Variants in MED12L observed in about 807,000 individuals in gnomAD.
MED12L encodes the protein mediator complex subunit 12L.
MED12L carries 60 observed loss-of-function variants against 281.3 expected under a neutral mutation model. The ratio of observed to expected loss-of-function variants is 0.21; its 90% CI spans 0.17 to 0.26. The LOEUF (loss-of-function observed/expected upper bound fraction) is 0.26. Among genes scored for constraint, MED12L ranks in the 10% least tolerant of loss-of-function variants. The probability of loss-of-function intolerance (pLI) is 1.00; values close to 1 mark genes in which losing one functional copy is unlikely to be tolerated. For missense variants in MED12L, 2,146 were observed against 2,680.9 expected (o/e 0.80, Z 4.41); for synonymous variants, 974 against 987.2 (o/e 0.99, Z 0.25).
intron 39 of MED12L, among the ~76,000 whole-genome samples, chr3:151,404,667 ATCAGTATTTCCAG>A (rs1172935514): frequency 6.6e-6 from 1 of 152,186 alleles, no homozygotes; most frequent in African/African-American, 2.4e-5. Context: ...TTTTTTCCAA[ATCAGTATTTCCAG>A]AAACCAAGTC....
In MED12L at chr3:151,382,764, A is replaced by G; in HGVS notation, c.4680+19A>G. The G allele has an allele frequency of 1.3e-6, 2 of 1,587,642 alleles. No individual in the cohort carries two copies. The highest frequency in any genetic ancestry group is 1.7e-6 in the Non-Finnish European group (2 of 1,161,042). ...AAATTTGGTAAGTGACATTTCTAGT[A>G]TTTTCCCTCCATTAAACATATTTAC... On this transcript the variant is annotated intron_variant, in intron 33 of 44. Transcript: ENST00000687756.
intron 40 of MED12L, among the ~76,000 whole-genome samples, chr3:151,410,707 G>A (rs892934605): frequency 9.2e-5 from 14 of 152,164 alleles, no homozygotes; most frequent in Admixed American, 7.9e-4. Context: ...AGAGGATAAT[G>A]AACAGTTACC....
chr3:151,253,687 G>A (rs780792542), intron 16 of MED12L, among the ~76,000 whole-genome samples: 7 of 152,058 alleles, frequency 4.6e-5, no homozygotes, highest in Non-Finnish European at 7.4e-5. Flanking sequence ...TGCTGATGTT[G>A]CCCCAGTCTC....
chr3:151,229,822 G>A (rs867350256), intron 16 of MED12L, among the ~76,000 whole-genome samples: 8 of 152,272 alleles, frequency 5.3e-5, no homozygotes, highest in Middle Eastern at 6.8e-3. Context: ...CAACAATGGA[G>A]CAACTGTATT....
rs532433994 is a variant in MED12L, at chr3:151,400,804, G to C, written c.5820+5937G>C. 2.6e-5 allele frequency among the ~76,000 whole-genome samples: 4 copies of C among 152,068 alleles called. No individual in the cohort carries two copies. The East Asian group carries it at 7.7e-4, about 29-fold the overall frequency. On this transcript the variant is annotated intron_variant, in intron 39 of 44. Coordinates refer to ENST00000687756, the MANE Select transcript of MED12L (RefSeq NM_001393769.1). Reference sequence around the variant, plus strand: ...CTATCCCTCCCACTCACTCTTTAATGGTATACATATTTCAAGCATAGAGAC... The same window carrying C: ...CTATCCCTCCCACTCACTCTTTAATCGTATACATATTTCAAGCATAGAGAC...
rs191846626 is a variant in MED12L at position 151,157,197 on chromosome 3, G to A, written c.726+867G>A. On this transcript the variant is annotated intron_variant, in intron 6 of 44. Coordinates refer to ENST00000687756, the MANE Select transcript of MED12L (RefSeq NM_001393769.1). The stretch of plus-strand genomic sequence containing the variant: ...AAAGTATCTCTCAGCATGTTTAATG[G>A]TTCTGGAAGAATTACGTATTAGGAG... Among the ~76,000 whole-genome samples the A allele has an allele frequency of 3.8e-4, 57 of 151,910 alleles. No individual in the cohort carries two copies. In the East Asian group the frequency reaches 9.7e-3, roughly 26 times the overall value.
chr3:151,280,699 G>T (rs1742665406), intron 16 of MED12L, among the ~76,000 whole-genome samples: 1 of 151,870 alleles, frequency 6.6e-6, no homozygotes, highest in South Asian at 2.1e-4. Context: ...TGAGGGGTGG[G>T]TAGGGGGCAG....
At chr3:151,097,319 C>T (rs1720838948) in intron 2 of MED12L, among the ~76,000 whole-genome samples, 1 of 152,108 alleles carries the variant, frequency 6.6e-6, no homozygotes, top group Non-Finnish European at 1.5e-5. Context: ...AAAATATTAG[C>T]CATTGGATTT....
At chr3:151,334,305 T>C (rs1440997922) in intron 16 of MED12L, among the ~76,000 whole-genome samples, 1 of 151,268 alleles carries the variant, frequency 6.6e-6, no homozygotes, top group East Asian at 1.9e-4. Context: ...GAAGTGCATT[T>C]CCACATCTTT....
chr3:151,417,480 C>CCG (rs1553817968), intron 43 of MED12L, among the ~76,000 whole-genome samples: 1 of 104,404 alleles, frequency 9.6e-6, no homozygotes, highest in African/African-American at 3.5e-5. Context: ...CCCAGCTCCC[C>CCG]CCCCGCCTTT....
intron 5 of MED12L, among the ~76,000 whole-genome samples, chr3:151,132,698 T>G (rs1715576246): frequency 6.6e-6 from 1 of 152,238 alleles, no homozygotes; most frequent in Admixed American, 6.5e-5. Context: ...ATATGTATTT[T>G]AATTGAAAAT....
At chr3:151,130,290 A>G (rs995169710) in intron 5 of MED12L, among the ~76,000 whole-genome samples, 1 of 152,172 alleles carries the variant, frequency 6.6e-6, no homozygotes, top group African/African-American at 2.4e-5. Flanking sequence ...GTAAGAGCCA[A>G]ATTGTCATTC....
At chr3:151,414,413 G>A (rs1262629862) in intron 42 of MED12L, among the ~76,000 whole-genome samples, 1 of 152,144 alleles carries the variant, frequency 6.6e-6, no homozygotes, top group South Asian at 2.1e-4. Flanking sequence ...CTCTCAACTC[G>A]GTATGAGGTC....
chr3:151,235,502 G>A (rs1732557671), intron 16 of MED12L, among the ~76,000 whole-genome samples: 1 of 152,034 alleles, frequency 6.6e-6, no homozygotes, highest in South Asian at 2.1e-4. Flanking sequence ...TCAGGAGATC[G>A]AGACCATCAT....
At chr3:151,411,203 C>A in intron 40 of MED12L, 75 bp from the exon 41 acceptor site, 1 of 1,303,568 alleles carries the variant, frequency 7.7e-7, no homozygotes, top group Non-Finnish European at 1.1e-6. Flanking sequence ...TTTGTTTTTG[C>A]CCCATATATC....
chr3:151,109,231 A>G (rs937821981), intron 2 of MED12L, among the ~76,000 whole-genome samples: 1 of 151,972 alleles, frequency 6.6e-6, no homozygotes, highest in African/African-American at 2.4e-5. Context: ...ATTTTTTTGT[A>G]TTTTAAGTAG....
At chr3:151,233,409 C>T (rs981933604) in intron 16 of MED12L, among the ~76,000 whole-genome samples, 3 of 152,178 alleles carry the variant, frequency 2.0e-5, no homozygotes, top group African/African-American at 4.8e-5. Flanking sequence ...GAAAAGACTA[C>T]ATGTAGTATA....
chr3:151,136,028 C>T (rs1716090142), intron 5 of MED12L, among the ~76,000 whole-genome samples: 1 of 152,146 alleles, frequency 6.6e-6, no homozygotes, highest in African/African-American at 2.4e-5. Context: ...TGGGGCACTG[C>T]TCTGTTTACC....
intron 16 of MED12L, among the ~76,000 whole-genome samples, chr3:151,240,625 C>CTTATCTCCT (rs1667953098): frequency 6.6e-6 from 1 of 152,156 alleles, no homozygotes; most frequent in African/African-American, 2.4e-5. Context: ...TAAGCATCTC[C>CTTATCTCCT]TTTATCTACC....
Sources: gnomAD v4.1 joint callset for allele counts (sites outside exome capture counted in the v4.1 genomes callset) on GRCh38, gnomAD v4.1.1 for gene constraint, MANE v1.5 for transcripts, NCBI Gene and HGNC (gene_info 2026-07-23, HGNC 2026-07-21) for gene names.